TAF1: variants seen among roughly 807,000 people sequenced by gnomAD.
The protein encoded by TAF1 is transcription initiation factor TFIID subunit 1.
In TAF1, 2 loss-of-function variants were observed where a neutral mutation model predicts 138.5. The ratio of observed to expected loss-of-function variants is 0.01; its 90% CI spans 0.01 to 0.05. The LOEUF is 0.05. Ranked by LOEUF, TAF1 falls within the 10% of genes least tolerant of loss-of-function variation. The pLI is 1.00. For missense variants in TAF1, 709 were observed against 1,478.0 expected (o/e 0.48, Z 8.53); for synonymous variants, 437 against 503.2 (o/e 0.87, Z 1.76).
At chrX:71,437,321 T>G (rs757338896) in intron 32 of TAF1, among the ~76,000 whole-genome samples, 120 of 111,175 alleles carry the variant, frequency 1.1e-3, no homozygotes, top group African/African-American at 3.7e-3. Context: ...AATACTAGTT[T>G]CTAAGTCTTT....
intron 13 of TAF1, among the ~76,000 whole-genome samples, chrX:71,525,996 T>C (rs2147646486): frequency 9.0e-6 from 1 of 111,242 alleles, no homozygotes; most frequent in South Asian, 3.7e-4. Context: ...TGGCAGTATA[T>C]ATGGTATGCA....
chrX:71,393,193 A>G, intron 20 of TAF1, 108 bp from the exon 21 acceptor site: 1 of 1,109,494 alleles, frequency 9.0e-7, no homozygotes, highest in Non-Finnish European at 1.2e-6. Flanking sequence ...AACTGTGTAC[A>G]TTGGCTTGTC....
In TAF1 at chrX:71,417,428, C is replaced by T. The variant is rs141773230; in HGVS notation, c.4385-3881C>T. Among the ~76,000 whole-genome samples, 368 of 111,296 alleles carry T rather than the reference C, an allele frequency of 3.3e-3. 2 individuals are homozygous for T. Among genetic ancestry groups the T allele is most frequent in the African/African-American group, 0.011 (348 of 30,647 alleles). On this transcript the variant is annotated intron_variant, in intron 28 of 37. Coordinates refer to ENST00000423759, the MANE Select transcript of TAF1 (RefSeq NM_004606.5). ...CTGGAGTACAGTGGCATAATCACAG[C>T]GTAATGCAGTCTCAGTATCCCTGGG...
At chrX:71,459,486 G>C in intron 35 of TAF1, 66 bp from the exon 36 acceptor site, 2 of 1,175,083 alleles carry the variant, frequency 1.7e-6, no homozygotes, top group Non-Finnish European at 2.3e-6. Context: ...GGTGTGCCTG[G>C]TGGTGGCTTC....
At chrX:71,426,964 C>G (rs188010365) in intron 32 of TAF1, among the ~76,000 whole-genome samples, 4 of 111,884 alleles carry the variant, frequency 3.6e-5, no homozygotes, top group African/African-American at 1.3e-4. Context: ...TACTGAGGTT[C>G]TCAATTAAGA....
At chrX:71,523,430 C>T (rs887599731) in intron 13 of TAF1, among the ~76,000 whole-genome samples, 1 of 111,401 alleles carries the variant, frequency 9.0e-6, no homozygotes, top group Non-Finnish European at 1.9e-5. Flanking sequence ...TTGCAATACT[C>T]CTTTCTTTCT....
At chrX:71,475,163 A>C (rs1009540831) in intron 13 of TAF1, among the ~76,000 whole-genome samples, 1 of 111,329 alleles carries the variant, frequency 9.0e-6, no homozygotes, top group Non-Finnish European at 1.9e-5. Flanking sequence ...GAAATAGTGG[A>C]GCTCAGGAGA....
intron 13 of TAF1, among the ~76,000 whole-genome samples, chrX:71,507,122 C>T (rs1047478242): frequency 9.0e-6 from 1 of 111,657 alleles, no homozygotes; most frequent in East Asian, 2.8e-4. Flanking sequence ...TATGGGGTGA[C>T]GAAGCTGTTA....
intron 13 of TAF1, among the ~76,000 whole-genome samples, chrX:71,508,954 G>A (rs979176707): frequency 9.2e-5 from 10 of 109,117 alleles, no homozygotes; most frequent in East Asian, 5.8e-4. Context: ...CTATGGGAGC[G>A]TGCCACCACA....
chrX:71,371,222 C>T (rs1402431934), intron 3 of TAF1, among the ~76,000 whole-genome samples: 1 of 111,765 alleles, frequency 8.9e-6, no homozygotes, highest in Non-Finnish European at 1.9e-5. Flanking sequence ...CTGGGATGCT[C>T]ATTTCTAAGT....
intron 32 of TAF1, among the ~76,000 whole-genome samples, chrX:71,432,676 T>C (rs1419894009): frequency 4.5e-5 from 5 of 111,545 alleles, no homozygotes; most frequent in Admixed American, 9.5e-5. Context: ...AAAAAAATTA[T>C]TGAAGTTCGG....
intron 13 of TAF1, among the ~76,000 whole-genome samples, chrX:71,483,151 C>CTTTTTT (rs35875629): frequency 2.8e-3 from 213 of 74,857 alleles, no homozygotes; most frequent in Non-Finnish European, 3.5e-3. Flanking sequence ...TTTTTCTTTT[C>CTTTTTT]TTTTTTTTTT....
At chrX:71,436,038 C>CTTTTTTTTTT (rs780566468) in intron 32 of TAF1, among the ~76,000 whole-genome samples, 1 of 78,433 alleles carries the variant, frequency 1.3e-5, no homozygotes, top group Non-Finnish European at 2.4e-5. Flanking sequence ...ATGCTACCTC[C>CTTTTTTTTTT]TTTTTTTTTT....
At chrX:71,404,469 C>A (rs1201225800) in intron 25 of TAF1, among the ~76,000 whole-genome samples, 1 of 110,802 alleles carries the variant, frequency 9.0e-6, no homozygotes, top group African/African-American at 3.3e-5. Flanking sequence ...TCCCGAGTAA[C>A]TGGGACTACA....
At chrX:71,424,113 G>A (rs779903196) in intron 31 of TAF1, 41 bp from the exon 32 acceptor site, 1 of 1,080,362 alleles carries the variant, frequency 9.3e-7, no homozygotes, top group Non-Finnish European at 1.3e-6. Flanking sequence ...TCAAGTGACT[G>A]TGTGTGTGTG....
At chrX:71,468,463 G>A (rs893735693), downstream of TAF1, among the ~76,000 whole-genome samples, 3 of 108,295 alleles carry the variant, frequency 2.8e-5, no homozygotes, top group Non-Finnish European at 3.8e-5. Flanking sequence ...TGGCGTGGGC[G>A]GATCACAAGG....
chrX:71,482,354 G>A lies in TAF1; in HGVS notation c.1366+21551G>A, dbSNP rs183945654. ...TTGGGGTTGGGCATATTTCTTCCCTGCACATATATGGGTTATTTTGGCAAA... is the reference window on the plus strand; with the variant it reads ...TTGGGGTTGGGCATATTTCTTCCCTACACATATATGGGTTATTTTGGCAAA... On this transcript the variant is annotated intron_variant and NMD_transcript_variant, in intron 13 of 14. Coordinates refer to the TAF1 transcript ENST00000373775. Among the ~76,000 whole-genome samples, 383 of 112,153 alleles carry A rather than the reference G, an allele frequency of 3.4e-3. 1 individual carries two copies. Among genetic ancestry groups the A allele is most frequent in the Non-Finnish European group, 6.0e-3 (322 of 53,261 alleles).
chrX:71,408,201 T>A, intron 28 of TAF1, 50 bp downstream of exon 28: 1 of 1,180,312 alleles, frequency 8.5e-7, no homozygotes, highest in Non-Finnish European at 1.1e-6. Flanking sequence ...CAGATCCTTA[T>A]TCCTTACTGG....
intron 35 of TAF1, among the ~76,000 whole-genome samples, chrX:71,458,967 T>C (rs1485682484): frequency 9.0e-6 from 1 of 111,134 alleles, no homozygotes; most frequent in East Asian, 2.8e-4. Flanking sequence ...GGTTTTTTAC[T>C]CCGGCTGTGA....
Sources: allele counts gnomAD v4.1 joint callset (sites outside exome capture counted in the v4.1 genomes callset), GRCh38; gene constraint gnomAD v4.1.1; transcripts MANE v1.5; gene names NCBI Gene and HGNC (gene_info 2026-07-23, HGNC 2026-07-21).